Variants in ZFR2 observed in about 807,000 individuals in gnomAD.
The protein encoded by ZFR2 is zinc finger RNA binding protein 2.
ZFR2 carries 104 observed loss-of-function variants against 105.7 expected under a neutral mutation model. That is an observed-to-expected ratio of 0.98 (90% CI 0.84 to 1.16). ZFR2 has a LOEUF of 1.16. Ranked by LOEUF, ZFR2 falls within the 50% of genes most tolerant of loss-of-function variation. The pLI is 0.00. For synonymous variants in ZFR2, 634 were observed against 597.7 expected (o/e 1.06, Z -0.89); for missense variants, 1,425 against 1,355.5 (o/e 1.05, Z -0.80).
intron 1 of ZFR2, among the ~76,000 whole-genome samples, chr19:3,854,122 G>A (rs1458405795): frequency 6.6e-6 from 1 of 150,978 alleles, no homozygotes; most frequent in East Asian, 2.0e-4. Flanking sequence ...AGGGCACAGT[G>A]GCCTACGCCT....
At chr19:3,812,551 G>A (rs1317976543) in intron 14 of ZFR2, among the ~76,000 whole-genome samples, 3 of 151,842 alleles carry the variant, frequency 2.0e-5, no homozygotes, top group East Asian at 1.9e-4. Flanking sequence ...TCACCCACCC[G>A]AGCCAGGAAA....
rs899012409 is a variant in ZFR2, at chr19:3,808,948, A to G, written c.2469T>C (p.Ser823=). ...CCCCGGGGCCCAGGGGCCCAGCCGC[A>G]CTGCTCACAGCCTTCTCCACCAGCA... is the stretch of plus-strand genomic sequence containing the variant. The part of the protein sequence containing the change: ...MELLVEKAVS[S]AAGPLGPGDA... The change falls in exon 17 of 19, where the codon AGT becomes AGC. Residue 823 remains serine (S), a synonymous_variant. Transcript: ENST00000262961. 6.4e-7 allele frequency: 1 copy of G among 1,571,418 alleles called. No individual in the cohort carries two copies.
chr19:3,841,256 A>G (rs750950964), intron 1 of ZFR2, among the ~76,000 whole-genome samples: 7 of 152,374 alleles, frequency 4.6e-5, no homozygotes, highest in African/African-American at 1.7e-4. Context: ...ACGGCCGGCA[A>G]CGGGTCTTGG....
intron 11 of ZFR2, 116 bp from the exon 12 acceptor site, chr19:3,819,351 G>A (rs866497272): frequency 9.0e-6 from 10 of 1,116,642 alleles, no homozygotes; most frequent in South Asian, 3.3e-5. Context: ...AGGCGGCAGC[G>A]TGGCCAGGTG....
In ZFR2 at chr19:3,844,557, G is replaced by A. The variant is rs565362735; in HGVS notation, c.54-9574C>T. Among the ~76,000 whole-genome samples the A allele has an allele frequency of 1.6e-3, 247 of 152,060 alleles. 2 individuals are homozygous for A. The highest frequency in any genetic ancestry group is 5.7e-3 in the African/African-American group (236 of 41,458). On this transcript the variant is annotated intron_variant, in intron 1 of 18. Transcript: ENST00000262961. ...TAATTTTTGTATTTTTGGTAGAGAC[G>A]GGGTTTCCACCATGTTGGCCAGGCT... is the stretch of plus-strand genomic sequence containing the variant.
At chr19:3,864,823 C>T (rs1041903241) in intron 1 of ZFR2, among the ~76,000 whole-genome samples, 1 of 152,174 alleles carries the variant, frequency 6.6e-6, no homozygotes, top group African/African-American at 2.4e-5. Flanking sequence ...TCTCAGCTCA[C>T]TGTGACCTCC....
Position 3,813,775 on chromosome 19 carries a change from G to T in ZFR2, c.2242+45C>A. On this transcript the variant is annotated intron_variant, in intron 14 of 18. Coordinates refer to ENST00000262961, the MANE Select transcript of ZFR2 (RefSeq NM_015174.2). This position sits in a 1 kb window ranked among gnomAD's most constrained non-coding sequence, Gnocchi z 4.4. ...GCCTGGGTGTGGGGAGCGCCCTGGG[G>T]AAGCGTGAGGGGGACAGTGGTTGGA... 6.2e-7 allele frequency: 1 copy of T among 1,607,142 alleles called. No individual in the cohort carries two copies. Among genetic ancestry groups the T allele is most frequent in the Non-Finnish European group, 8.5e-7 (1 of 1,176,138 alleles).
At chr19:3,822,059 G>A in intron 9 of ZFR2, 22 bp downstream of exon 9, 1 of 1,577,958 alleles carries the variant, frequency 6.3e-7, no homozygotes, top group Non-Finnish European at 8.6e-7. Context: ...ACGGGTGTCG[G>A]AGCTCCCCCT....
chr19:3,843,730 G>A (rs2038156940), intron 1 of ZFR2, among the ~76,000 whole-genome samples: 1 of 151,324 alleles, frequency 6.6e-6, no homozygotes, highest in Non-Finnish European at 1.5e-5. Flanking sequence ...AGCTACTAGG[G>A]AGGCTGAGGC....
At chr19:3,820,415 T>A in intron 10 of ZFR2, 125 bp from the exon 11 acceptor site, 2 of 863,672 alleles carry the variant, frequency 2.3e-6, no homozygotes, top group Non-Finnish European at 3.5e-6. Context: ...TTGCTGGGGC[T>A]CCACTGCACT....
intron 14 of ZFR2, among the ~76,000 whole-genome samples, chr19:3,812,486 C>A (rs977857252): frequency 2.6e-5 from 4 of 152,062 alleles, no homozygotes; most frequent in African/African-American, 9.7e-5. Context: ...GGGGGCGGCT[C>A]ACGGGGCTCT....
intron 16 of ZFR2, among the ~76,000 whole-genome samples, chr19:3,809,319 CCT>C (rs962801288): frequency 2.6e-5 from 4 of 152,190 alleles, no homozygotes; most frequent in African/African-American, 9.7e-5. Flanking sequence ...TTTCTTCACC[CCT>C]CTGAGCCTCA....
At chr19:3,829,255 C>T (rs1271143404) in intron 5 of ZFR2, among the ~76,000 whole-genome samples, 3 of 151,916 alleles carry the variant, frequency 2.0e-5, no homozygotes, top group African/African-American at 7.3e-5. Flanking sequence ...AGCTACCACG[C>T]CCAGCCTGGA....
chr19:3,814,630 T>C (rs1341229387), intron 13 of ZFR2, among the ~76,000 whole-genome samples: 1 of 152,220 alleles, frequency 6.6e-6, no homozygotes, highest in African/African-American at 2.4e-5. Flanking sequence ...TACATTCTCA[T>C]GGGGCTCAGT....
At chr19:3,818,207 C>T (rs1453594481) in intron 12 of ZFR2, among the ~76,000 whole-genome samples, 2 of 152,156 alleles carry the variant, frequency 1.3e-5, no homozygotes, top group Non-Finnish European at 2.9e-5. Flanking sequence ...AAAGTGAACC[C>T]GTAATCCCGG....
intron 17 of ZFR2, 60 bp downstream of exon 17, chr19:3,808,812 C>A (rs768287129): frequency 2.9e-6 from 4 of 1,389,546 alleles, no homozygotes; most frequent in Non-Finnish European, 3.9e-6. Context: ...GCCATGGCCA[C>A]GGGCCCTGGT....
At chr19:3,831,030 C>A (rs2038007882) in intron 5 of ZFR2, among the ~76,000 whole-genome samples, 1 of 152,036 alleles carries the variant, frequency 6.6e-6, no homozygotes, top group African/African-American at 2.4e-5. Context: ...CATGCGCACA[C>A]ATACGTGCAA....
At chr19:3,810,879 G>A (rs1236331741) in intron 15 of ZFR2, 34 bp from the exon 16 acceptor site, 1 of 1,546,342 alleles carries the variant, frequency 6.5e-7, no homozygotes, top group Non-Finnish European at 8.7e-7. Flanking sequence ...AGCTTTCAGG[G>A]GCTCACGTGG....
rs1161508567 is a variant in ZFR2 at position 3,805,847 on chromosome 19, A to G, written c.*102T>C. The G allele has an allele frequency of 9.1e-6, 12 of 1,314,236 alleles. No individual in the cohort carries two copies. Among genetic ancestry groups the G allele is most frequent in the Non-Finnish European group, 1.2e-5 (12 of 998,858 alleles). The allele number at this position is 1,314,236 out of a possible 1,614,324, so 81.4% of individuals were successfully genotyped here. A position where few individuals can be genotyped will look rare whatever the true frequency, so the allele number is the denominator to read the frequency against. ...CCTACAGAGCGTTACTCAAAAGGAA[A>G]TGACCATTGTCCAACGTCGGGGATG... is the stretch of plus-strand genomic sequence containing the variant. On this transcript the variant is annotated 3_prime_UTR_variant, in exon 19 of 19. Transcript: ENST00000262961.
Sources: allele counts gnomAD v4.1 joint callset (sites outside exome capture counted in the v4.1 genomes callset), GRCh38; gene constraint gnomAD v4.1.1; non-coding constraint Gnocchi (gnomAD v3.1); transcripts MANE v1.5; gene names NCBI Gene and HGNC (gene_info 2026-07-23, HGNC 2026-07-21).